The following CYB5R4 variants were observed in gnomAD, a reference collection of about 807,000 sequenced individuals.
CYB5R4 encodes the protein cytochrome b5 reductase 4.
A neutral mutation model predicts 70.2 loss-of-function variants in CYB5R4; 55 were observed. The observed-to-expected ratio is 0.78, with a 90% CI of 0.63 to 0.98. The LOEUF (loss-of-function observed/expected upper bound fraction) is 0.98, where lower values mean the gene tolerates loss of function less well. Ranked by LOEUF, CYB5R4 falls within the 50% of genes least tolerant of loss-of-function variation. The pLI, the probability that CYB5R4 is intolerant of heterozygous loss-of-function variation, is 0.00. For synonymous variants in CYB5R4, 197 were observed against 199.5 expected (o/e 0.99, Z 0.11); for missense variants, 562 against 612.6 (o/e 0.92, Z 0.87).
intron 11 of CYB5R4, among the ~76,000 whole-genome samples, chr6:83,934,947 T>C (rs973958070): frequency 2.6e-5 from 4 of 152,182 alleles, no homozygotes; most frequent in Non-Finnish European, 4.4e-5. Flanking sequence ...AACAAAGATA[T>C]TGCCAGTAGT....
At chr6:83,871,468 T>C (rs1389870818) in intron 2 of CYB5R4, among the ~76,000 whole-genome samples, 2 of 152,152 alleles carry the variant, frequency 1.3e-5, no homozygotes, top group Non-Finnish European at 2.9e-5. Flanking sequence ...TTCTCCTCCT[T>C]TTTTTCACTT....
At chr6:83,899,142 A>G (rs1426961778) in intron 3 of CYB5R4, among the ~76,000 whole-genome samples, 4 of 152,204 alleles carry the variant, frequency 2.6e-5, no homozygotes, top group Non-Finnish European at 4.4e-5. Flanking sequence ...ATGTGGCATC[A>G]GTACCTAATT....
chr6:83,934,650 G>A lies in CYB5R4; in HGVS notation c.870G>A (p.Thr290=), dbSNP rs758938300. The A allele has an allele frequency of 3.7e-6, 6 of 1,613,148 alleles. No individual in the cohort carries two copies. Among genetic ancestry groups the A allele is most frequent in the South Asian group, 1.1e-5 (1 of 91,046 alleles). The change falls in exon 11 of 16, where the codon ACG becomes ACA. Residue 290 remains threonine (T), a synonymous_variant. Coordinates refer to ENST00000369681, the MANE Select transcript of CYB5R4 (RefSeq NM_016230.4). ...CCAAGGAAGATGTTACTCATGATAC[G>A]AGGCTTTTCTGTTTGATGCTGCCAC... ...LISKEDVTHD[T]RLFCLMLPPS...
At position 83,963,948 on chromosome 6, in the gene CYB5R4, G is replaced by A. The variant is rs540338823; in HGVS notation, c.*4070G>A. The A allele has an allele frequency of 1.9e-4, 39 of 201,402 alleles. No homozygotes were observed. The highest frequency in any genetic ancestry group is 1.1e-3 in the East Asian group (7 of 6,664). The allele number at this position is 201,402 out of a possible 1,614,324, so 12.5% of individuals were successfully genotyped here. ...CCTGGTGGTTTTATCAGGGGTTTCC[G>A]CTTTTGCATCTTACTCATTTTCTCT... On this transcript the variant is annotated 3_prime_UTR_variant, in exon 16 of 16. Transcript: ENST00000369681.
At chr6:83,946,868 A>T (rs2099470699) in intron 14 of CYB5R4, among the ~76,000 whole-genome samples, 1 of 152,190 alleles carries the variant, frequency 6.6e-6, no homozygotes, top group Non-Finnish European at 1.5e-5. Flanking sequence ...GATGTGAAGG[A>T]CGTCTTCAAG....
chr6:83,957,907 A>C (rs183209340), intron 15 of CYB5R4, among the ~76,000 whole-genome samples: 5 of 152,246 alleles, frequency 3.3e-5, no homozygotes, highest in African/African-American at 1.2e-4. Context: ...CCTTATCCTC[A>C]TCATCTTAAT....
chr6:83,910,000 A>G (rs1588573083), intron 4 of CYB5R4: 11 of 1,598,844 alleles, frequency 6.9e-6, no homozygotes, highest in Non-Finnish European at 9.4e-6. Context: ...ATTAAAAATG[A>G]TGGTATTAGT....
chr6:83,930,223 G>C (rs1199509397), intron 10 of CYB5R4, among the ~76,000 whole-genome samples: 2 of 152,088 alleles, frequency 1.3e-5, no homozygotes, highest in Non-Finnish European at 1.5e-5. Flanking sequence ...GCTAAAGCTT[G>C]GGGTAGCTGT....
chr6:83,922,434 C>A lies in CYB5R4; in HGVS notation c.659-4C>A. ...TTTTAACTAAATAAATTTGTCTGTCCTAGGGCTAAGCCATGAGGTTCAGGA... is the reference window on the plus strand; with the variant it reads ...TTTTAACTAAATAAATTTGTCTGTCATAGGGCTAAGCCATGAGGTTCAGGA... On this transcript the variant is annotated splice_region_variant and splice_polypyrimidine_tract_variant and intron_variant, in intron 8 of 15. Transcript: ENST00000369681. 6.2e-7 allele frequency: 1 copy of A among 1,611,950 alleles called. No individual in the cohort carries two copies. The highest frequency in any genetic ancestry group is 8.5e-7 in the Non-Finnish European group (1 of 1,179,180).
At position 83,900,036 on chromosome 6, in the gene CYB5R4, C is replaced by G. The variant is rs1193781061; in HGVS notation, c.330+6414C>G. On this transcript the variant is annotated intron_variant, in intron 3 of 15. Coordinates refer to ENST00000369681, the MANE Select transcript of CYB5R4 (RefSeq NM_016230.4). ...TTTGAATGTGTTTGCTCTTGCTTCT[C>G]TAGTTCTTTTAATTGTGATGTTAGG... is the stretch of plus-strand genomic sequence containing the variant. 1.2e-4 allele frequency among the ~76,000 whole-genome samples: 19 copies of G among 152,236 alleles called. No individual in the cohort carries two copies. In the East Asian group the frequency reaches 2.7e-3, roughly 22 times the overall value.
At chr6:83,937,367 C>CT (rs1221139639) in intron 12 of CYB5R4, among the ~76,000 whole-genome samples, 1 of 152,120 alleles carries the variant, frequency 6.6e-6, no homozygotes, top group East Asian at 1.9e-4. Context: ...CCCTCAATAA[C>CT]TAACATTTGT....
At chr6:83,861,984 G>A (rs1471421174) in intron 1 of CYB5R4, among the ~76,000 whole-genome samples, 2 of 152,182 alleles carry the variant, frequency 1.3e-5, no homozygotes, top group African/African-American at 4.8e-5. Flanking sequence ...CTAGTGACTA[G>A]CTTAAGTGAA....
At chr6:83,914,961 C>T (rs535758625) in intron 5 of CYB5R4, among the ~76,000 whole-genome samples, 2 of 151,992 alleles carry the variant, frequency 1.3e-5, no homozygotes, top group Non-Finnish European at 2.9e-5. Context: ...TCTGTGACAT[C>T]CCTGAATACA....
chr6:83,888,658 A>G (rs1588564914), intron 2 of CYB5R4, among the ~76,000 whole-genome samples: 1 of 152,146 alleles, frequency 6.6e-6, no homozygotes, highest in Non-Finnish European at 1.5e-5. Context: ...CTGAGACCCA[A>G]CAATATTGAG....
At chr6:83,912,046 G>T (rs2099464773) in intron 4 of CYB5R4, among the ~76,000 whole-genome samples, 1 of 140,230 alleles carries the variant, frequency 7.1e-6, no homozygotes, top group Non-Finnish European at 1.5e-5. Flanking sequence ...GACAGAGAGA[G>T]GCCTTGTCTC....
intron 6 of CYB5R4, among the ~76,000 whole-genome samples, chr6:83,918,802 C>G (rs914476927): frequency 1.1e-4 from 17 of 152,014 alleles, no homozygotes; most frequent in Admixed American, 5.9e-4. Context: ...ATTCTAATAT[C>G]AGCATCCTGC....
At chr6:83,944,615 GC>G (rs2099470276) in intron 14 of CYB5R4, among the ~76,000 whole-genome samples, 1 of 152,112 alleles carries the variant, frequency 6.6e-6, no homozygotes, top group Admixed American at 6.5e-5. Context: ...CGGGCTAAAT[GC>G]CCCAGTGAAA....
chr6:83,922,629 T>TA (rs397939938), intron 9 of CYB5R4, among the ~76,000 whole-genome samples, 159 bp downstream of exon 9: 8 of 152,072 alleles, frequency 5.3e-5, no homozygotes, highest in African/African-American at 1.9e-4. Flanking sequence ...CTTTTTTTTT[T>TA]AAACTTTTAA....
chr6:83,962,731 C>T lies in CYB5R4; in HGVS notation c.*2853C>T, dbSNP rs1217907303. 2.6e-5 allele frequency: 4 copies of T among 152,228 alleles called. No homozygotes were observed. Among genetic ancestry groups the T allele is most frequent in the South Asian group, 2.1e-4 (1 of 4,822 alleles). 9.4% of individuals were successfully genotyped at this position (152,228 alleles called of 1,614,324 possible). The stretch of plus-strand genomic sequence containing the variant: ...CCCTAGATAAGAGTTCTTTCAGCCT[C>T]ATTAGGTAGATTTCAGTTCCTTGCA... On this transcript the variant is annotated 3_prime_UTR_variant, in exon 16 of 16. Coordinates refer to ENST00000369681, the MANE Select transcript of CYB5R4 (RefSeq NM_016230.4).
Sources: gnomAD v4.1 joint callset for allele counts (sites outside exome capture counted in the v4.1 genomes callset) on GRCh38, gnomAD v4.1.1 for gene constraint, MANE v1.5 for transcripts, NCBI Gene and HGNC (gene_info 2026-07-23, HGNC 2026-07-21) for gene names.